The following RNF150 variants were observed in gnomAD, a reference collection of about 807,000 sequenced individuals.
The protein encoded by RNF150 is ring finger protein 150.
Under a neutral mutation model 39.3 loss-of-function variants are expected in RNF150, and 24 were observed. The ratio of observed to expected loss-of-function variants is 0.61; its 90% confidence interval spans 0.44 to 0.86. The LOEUF (loss-of-function observed/expected upper bound fraction) is 0.86, where lower values mean the gene tolerates loss of function less well. Ranked by LOEUF, RNF150 falls within the 40% of genes least tolerant of loss-of-function variation. RNF150 has a pLI of 0.00. For missense variants in RNF150, 502 were observed against 587.8 expected (o/e 0.85, Z 1.51); for synonymous variants, 255 against 227.3 (o/e 1.12, Z -1.10).
intron 1 of RNF150, among the ~76,000 whole-genome samples, chr4:141,055,382 G>A (rs2110902945): frequency 6.6e-6 from 1 of 152,214 alleles, no homozygotes. Context: ...GTGATAAAAT[G>A]ATCCAGTGCA....
At chr4:140,913,266 A>G (rs1406102369) in intron 5 of RNF150, among the ~76,000 whole-genome samples, 8 of 152,072 alleles carry the variant, frequency 5.3e-5, no homozygotes, top group Non-Finnish European at 1.2e-4. Flanking sequence ...TCTCAAGAAA[A>G]CAAAACAAAA....
At chr4:141,111,510 A>C (rs1578741094) in intron 1 of RNF150, among the ~76,000 whole-genome samples, 1 of 149,756 alleles carries the variant, frequency 6.7e-6, no homozygotes, top group East Asian at 2.0e-4. Context: ...GCTTACTTGC[A>C]ACTGGGGAGA....
intron 4 of RNF150, among the ~76,000 whole-genome samples, chr4:140,932,503 ACAGT>A (rs56325644): frequency 0.017 from 2,582 of 152,312 alleles, 32 homozygotes; most frequent in East Asian, 0.06. Context: ...ATTCCAACTG[ACAGT>A]CAGTGTTTTT....
In RNF150 at chr4:140,860,344, GTACT is replaced by G. The variant is rs1407477000; in HGVS notation, c.*7913_*7916del. ...GGTAAAAACGCTACATAATTCACTA[GTACT>G]TATTTCGGCAATTAAGAACTGAAGT... On this transcript the variant is annotated 3_prime_UTR_variant, in exon 7 of 7. Coordinates refer to ENST00000515673, the MANE Select transcript of RNF150 (RefSeq NM_020724.2). 1 of 152,074 alleles carries G rather than the reference GTACT, an allele frequency of 6.6e-6. No homozygotes were observed. Among genetic ancestry groups the G allele is most frequent in the African/African-American group, 2.4e-5 (1 of 41,388 alleles). The allele number at this position is 152,074 out of a possible 1,614,324, so 9.4% of individuals were successfully genotyped here. A position where few individuals can be genotyped will look rare whatever the true frequency, so the allele number is the denominator to read the frequency against.
At position 140,862,543 on chromosome 4, in the gene RNF150, A is replaced by C. The variant is rs947711528; in HGVS notation, c.*5718T>G. 1 of 152,190 alleles carries C rather than the reference A, an allele frequency of 6.6e-6. No homozygotes were observed. The highest frequency in any genetic ancestry group is 1.5e-5 in the Non-Finnish European group (1 of 68,032). The allele number at this position is 152,190 out of a possible 1,614,324, so 9.4% of individuals were successfully genotyped here. ...CTGGGATGATAACTTGGTGTCAATA[A>C]AAGGTGTAGAGTGGAAGAGTGTGGC... On this transcript the variant is annotated 3_prime_UTR_variant, in exon 7 of 7. Coordinates refer to ENST00000515673, the MANE Select transcript of RNF150 (RefSeq NM_020724.2).
chr4:141,049,422 T>C (rs1000226416), intron 1 of RNF150, among the ~76,000 whole-genome samples: 2 of 151,966 alleles, frequency 1.3e-5, no homozygotes, highest in Non-Finnish European at 2.9e-5. Context: ...ATATGAACTA[T>C]AACAAGGGTT....
At chr4:141,117,752 A>T (rs1223355275) in intron 1 of RNF150, among the ~76,000 whole-genome samples, 1 of 152,222 alleles carries the variant, frequency 6.6e-6, no homozygotes, top group Non-Finnish European at 1.5e-5. Context: ...CAAGTGAAGT[A>T]TCGAAGACAC....
At chr4:140,984,880 CA>C (rs2111465162) in intron 1 of RNF150, among the ~76,000 whole-genome samples, 1 of 152,260 alleles carries the variant, frequency 6.6e-6, no homozygotes, top group East Asian at 1.9e-4. Context: ...TCCCCAGTGG[CA>C]TTAAGCTTCA....
rs113368533 is a variant in RNF150, at chr4:141,196,244, C to A, written c.-6+16550G>T. Among the ~76,000 whole-genome samples the A allele has an allele frequency of 1.8e-3, 271 of 152,246 alleles. 2 individuals are homozygous for A. The highest frequency in any genetic ancestry group is 6.3e-3 in the African/African-American group (260 of 41,534). On this transcript the variant is annotated intron_variant, in intron 1 of 7. Transcript: ENST00000420921. ...TTCTTCTGTTAAAAAAACCCTGATC[C>A]CCTTAAGGGGATTTCTGTCTCCTCC...
intron 1 of RNF150, among the ~76,000 whole-genome samples, chr4:141,018,649 GCA>G (rs1214627376): frequency 1.3e-5 from 2 of 152,028 alleles, no homozygotes; most frequent in Non-Finnish European, 2.9e-5. Context: ...ACTGATTTCA[GCA>G]CAGAGTTTCC....
chr4:141,174,806 A>G (rs1036401238), intron 1 of RNF150, among the ~76,000 whole-genome samples: 15 of 151,652 alleles, frequency 9.9e-5, no homozygotes, highest in Non-Finnish European at 1.9e-4. Context: ...GGAAGAGAAT[A>G]TAGCTCTATT....
intron 6 of RNF150, among the ~76,000 whole-genome samples, chr4:140,870,497 A>G (rs972602299): frequency 1.3e-5 from 2 of 149,648 alleles, no homozygotes; most frequent in Non-Finnish European, 3.0e-5. Flanking sequence ...CTTCCTTTTC[A>G]TTTATCTTCT....
intron 1 of RNF150, among the ~76,000 whole-genome samples, chr4:141,067,949 T>C (rs994229402): frequency 2.1e-5 from 3 of 142,374 alleles, no homozygotes; most frequent in Admixed American, 7.3e-5. Context: ...AGAGTCAAGA[T>C]ACTTTTTTTT....
At chr4:140,948,524 A>C (rs1405001892) in intron 3 of RNF150, among the ~76,000 whole-genome samples, 1 of 152,204 alleles carries the variant, frequency 6.6e-6, no homozygotes, top group Non-Finnish European at 1.5e-5. Flanking sequence ...TCCTCAAGAC[A>C]TACTATTGCT....
chr4:141,058,636 T>G (rs1420597718), intron 1 of RNF150, among the ~76,000 whole-genome samples: 1 of 152,176 alleles, frequency 6.6e-6, no homozygotes, highest in Non-Finnish European at 1.5e-5. Context: ...ATTATTATAC[T>G]GTCCTACCCC....
intron 6 of RNF150, among the ~76,000 whole-genome samples, chr4:140,877,797 C>A (rs1033403847): frequency 3.1e-4 from 47 of 152,066 alleles, no homozygotes; most frequent in African/African-American, 1.1e-3. Context: ...AAGTGGGTAA[C>A]CAAGAGGATT....
At chr4:140,919,601 G>T (rs958824597) in intron 5 of RNF150, among the ~76,000 whole-genome samples, 4 of 142,392 alleles carry the variant, frequency 2.8e-5, no homozygotes, top group African/African-American at 1.0e-4. Context: ...CGTGAAAATG[G>T]CCATACTGCC....
In RNF150 at chr4:141,013,290, C is replaced by A. The variant is rs141331882; in HGVS notation, c.485-45417G>T. The stretch of plus-strand genomic sequence containing the variant: ...AAAAGTATGTGGTGGATACATGATA[C>A]AATGATGGTATTTTGATAATTTCTG... On this transcript the variant is annotated intron_variant, in intron 1 of 6. Transcript: ENST00000515673. 1.3e-3 allele frequency among the ~76,000 whole-genome samples: 202 copies of A among 152,214 alleles called. 1 individual carries two copies. The highest frequency in any genetic ancestry group is 4.5e-3 in the African/African-American group (188 of 41,534).
chr4:141,114,851 A>G (rs1739498793), intron 1 of RNF150, among the ~76,000 whole-genome samples: 1 of 152,226 alleles, frequency 6.6e-6, no homozygotes, highest in South Asian at 2.1e-4. Flanking sequence ...ATGCAAATCA[A>G]TAAGTGTAAT....
Sources: allele counts gnomAD v4.1 joint callset (sites outside exome capture counted in the v4.1 genomes callset), GRCh38; gene constraint gnomAD v4.1.1; transcripts MANE v1.5; gene names NCBI Gene and HGNC (gene_info 2026-07-23, HGNC 2026-07-21).